Variants in CD300LD observed in about 807,000 individuals in gnomAD.
CD300LD encodes CD300 molecule like family member d.
CD300LD carries 18 observed loss-of-function variants against 20.3 expected under a neutral mutation model. That is an observed-to-expected ratio of 0.89 (90% CI 0.61 to 1.32). The LOEUF (loss-of-function observed/expected upper bound fraction) is 1.32, where lower values mean the gene tolerates loss of function less well. Ranked by LOEUF, CD300LD falls within the 40% of genes most tolerant of loss-of-function variation. CD300LD has a pLI of 0.00. For missense variants in CD300LD, 195 were observed against 226.6 expected (o/e 0.86, Z 0.90); for synonymous variants, 104 against 90.1 (o/e 1.15, Z -0.87).
At chr17:74,588,880 T>A in intron 1 of CD300LD, 31 bp from the exon 2 acceptor site, 4 of 1,539,430 alleles carry the variant, frequency 2.6e-6, no homozygotes, top group Non-Finnish European at 3.6e-6. Flanking sequence ...TGTCGTCACC[T>A]CCCACCCCAA....
chr17:74,581,915 G>A (rs981284616), intron 3 of CD300LD, among the ~76,000 whole-genome samples: 3 of 152,206 alleles, frequency 2.0e-5, no homozygotes, highest in Admixed American at 6.5e-5. Flanking sequence ...ATACAAAGAC[G>A]AAACAGCAGG....
At chr17:74,591,624 A>AGT (rs1215555470) in intron 1 of CD300LD, among the ~76,000 whole-genome samples, 1 of 152,204 alleles carries the variant, frequency 6.6e-6, no homozygotes, top group African/African-American at 2.4e-5. Flanking sequence ...AACAATTTTT[A>AGT]AAAGGTAGAA....
Position 74,579,969 on chromosome 17 carries a change from G to A in CD300LD, c.*33C>T. ...CCTGGACAGGACGTCAATGGGCATT[G>A]GGACTCTCATCATCGGGCTGACTCC... On this transcript the variant is annotated 3_prime_UTR_variant, in exon 4 of 4. Coordinates refer to ENST00000375352, the MANE Select transcript of CD300LD (RefSeq NM_001115152.2). 2 of 1,377,552 alleles carry A rather than the reference G, an allele frequency of 1.5e-6. No individual in the cohort carries two copies. Among genetic ancestry groups the A allele is most frequent in the Non-Finnish European group, 2.1e-6 (2 of 969,194 alleles). 85.3% of individuals were successfully genotyped at this position (1,377,552 alleles called of 1,614,324 possible).
At chr17:74,587,197 C>A (rs1238301365) in intron 2 of CD300LD, among the ~76,000 whole-genome samples, 1 of 152,050 alleles carries the variant, frequency 6.6e-6, no homozygotes, top group Non-Finnish European at 1.5e-5. Flanking sequence ...ACCAAAGGGC[C>A]ATCTGAGCCT....
intron 2 of CD300LD, among the ~76,000 whole-genome samples, chr17:74,584,058 A>G (rs1460974136): frequency 6.6e-6 from 1 of 152,106 alleles, no homozygotes; most frequent in Non-Finnish European, 1.5e-5. Flanking sequence ...CCCAGCCTGT[A>G]TTTCACATTT....
At chr17:74,581,450 T>C (rs145309297) in intron 3 of CD300LD, among the ~76,000 whole-genome samples, 1 of 152,182 alleles carries the variant, frequency 6.6e-6, no homozygotes, top group African/African-American at 2.4e-5. Context: ...ACCCAACGGC[T>C]AGCTATCAGG....
Position 74,588,813 on chromosome 17 carries a change from G to A in CD300LD, c.77C>T (p.Thr26Ile). 1.2e-6 allele frequency: 2 copies of A among 1,612,434 alleles called. No individual in the cohort carries two copies. The highest frequency in any genetic ancestry group is 1.7e-6 in the Non-Finnish European group (2 of 1,178,588). Residue 26 changes from threonine to isoleucine, a missense_variant, in exon 2 of 4, where the codon ACA becomes ATA. Physicochemically the swap from Thr to Ile is moderately conservative, Grantham distance 89. Coordinates refer to ENST00000375352, the MANE Select transcript of CD300LD (RefSeq NM_001115152.2). ...SIAAKITGPT[T>I]VNGSEQGSLT... is the part of the protein sequence containing the mutation. ...TGAGCCCTGCTCCGAGCCATTCACT[G>A]TTGTTGGACCAGTGATTTTAGCGGC...
At chr17:74,578,949 C>A (rs1170175445), downstream of CD300LD, among the ~76,000 whole-genome samples, 1 of 152,182 alleles carries the variant, frequency 6.6e-6, no homozygotes, top group Non-Finnish European at 1.5e-5. Flanking sequence ...TGGATTATGT[C>A]ACAGTCCCCA....
At chr17:74,582,390 C>T in intron 2 of CD300LD, 79 bp from the exon 3 acceptor site, 1 of 1,190,434 alleles carries the variant, frequency 8.4e-7, no homozygotes, top group Non-Finnish European at 1.2e-6. Flanking sequence ...GCTTCTCCAC[C>T]TAGGAATTAA....
Position 74,588,623 on chromosome 17 carries a change from C to T in CD300LD, c.267G>A (p.Val89=), listed in dbSNP as rs1407176447. ...VSIRDNQKNH[V]FTVTMENLKR... The stretch of plus-strand genomic sequence containing the variant: ...TGAGATTCTCCATGGTCACGGTGAA[C>T]ACGTGGTTTTTCTGATTGTCCCTGA... Residue 89 remains valine (V), a synonymous_variant, in exon 2 of 4, where the codon GTG becomes GTA. Coordinates refer to ENST00000375352, the MANE Select transcript of CD300LD (RefSeq NM_001115152.2). The T allele has an allele frequency of 1.2e-6, 2 of 1,613,974 alleles. No homozygotes were observed. The highest frequency in any genetic ancestry group is 2.7e-5 in the African/African-American group (2 of 74,898).
In CD300LD at chr17:74,588,860, C is replaced by G; in HGVS notation, c.41-11G>C. The G allele has an allele frequency of 6.3e-7, 1 of 1,594,896 alleles. No individual in the cohort carries two copies. The highest frequency in any genetic ancestry group is 1.1e-5 in the South Asian group (1 of 89,812). On this transcript the variant is annotated splice_polypyrimidine_tract_variant and intron_variant, in intron 1 of 3. Coordinates refer to ENST00000375352, the MANE Select transcript of CD300LD (RefSeq NM_001115152.2). ...CGGCAATGGAGTAACCTGGAAAACG[C>G]AAATTCATGTGTCGTCACCTCCCAC...
intron 1 of CD300LD, among the ~76,000 whole-genome samples, chr17:74,591,566 C>T (rs901314340): frequency 2.0e-5 from 3 of 152,006 alleles, no homozygotes; most frequent in Non-Finnish European, 4.4e-5. Context: ...GAACTGAAAA[C>T]ATATCTCCAT....
At position 74,582,411 on chromosome 17, in the gene CD300LD, C is replaced by T. The variant is rs541028055; in HGVS notation, c.380-100G>A. 5.5e-4 allele frequency: 471 copies of T among 854,670 alleles called. 3 individuals carry two copies. Among genetic ancestry groups the T allele is most frequent in the Non-Finnish European group, 6.5e-4 (355 of 546,960 alleles). 52.9% of individuals were successfully genotyped at this position (854,670 alleles called of 1,614,324 possible). On this transcript the variant is annotated intron_variant, in intron 2 of 3. Coordinates refer to ENST00000375352, the MANE Select transcript of CD300LD (RefSeq NM_001115152.2). The stretch of plus-strand genomic sequence containing the variant: ...CCACCTAGGAATTAAGGAGCCTCTG[C>T]CTTGGGGTCCAAGACTGTCTGGTCA...
chr17:74,581,528 C>G (rs367824537), intron 3 of CD300LD, among the ~76,000 whole-genome samples: 1 of 152,322 alleles, frequency 6.6e-6, no homozygotes, highest in East Asian at 1.9e-4. Flanking sequence ...CCTCCAGACC[C>G]CTCTGCCAGC....
chr17:74,591,754 C>T (rs1448267549), intron 1 of CD300LD, among the ~76,000 whole-genome samples: 3 of 149,394 alleles, frequency 2.0e-5, no homozygotes, highest in Non-Finnish European at 4.4e-5. Flanking sequence ...ACAAAGTAAC[C>T]TTGAAACATC....
At chr17:74,592,002 TC>T in intron 1 of CD300LD, 160 bp downstream of exon 1, 1 of 1,552,240 alleles carries the variant, frequency 6.4e-7, no homozygotes, top group East Asian at 2.3e-5. Context: ...ACAGAACCTG[TC>T]AGATAACAAA....
At chr17:74,591,262 A>AAAAAAAAAT (rs1555650249) in intron 1 of CD300LD, among the ~76,000 whole-genome samples, 1 of 114,112 alleles carries the variant, frequency 8.8e-6, no homozygotes, top group African/African-American at 4.8e-5. Context: ...AAAAAAAAAA[A>AAAAAAAAAT]AATAAAAATA....
At position 74,579,858 on chromosome 17, in the gene CD300LD, C is replaced by T. The variant is rs2029993987; in HGVS notation, c.*144G>A. On this transcript the variant is annotated 3_prime_UTR_variant, in exon 4 of 4. Transcript: ENST00000375352. ...AGAGATTACACCATTGCATTCCAGC[C>T]TGGGTGACAGAGCAAGACTCTATCT... is the stretch of plus-strand genomic sequence containing the variant. 1 of 525,870 alleles carries T rather than the reference C, an allele frequency of 1.9e-6. No homozygotes were observed. The highest frequency in any genetic ancestry group is 3.5e-6 in the Non-Finnish European group (1 of 289,482). The allele number at this position is 525,870 out of a possible 1,614,324, so 32.6% of individuals were successfully genotyped here. A position where few individuals can be genotyped will look rare whatever the true frequency, so the allele number is the denominator to read the frequency against.
At chr17:74,591,268 A>T (rs12602919) in intron 1 of CD300LD, among the ~76,000 whole-genome samples, 2,765 of 142,332 alleles carry the variant, frequency 0.019, 23 homozygotes, top group Middle Eastern at 0.044. Context: ...AAAAAAATAA[A>T]AATAATAATA....
Sources: allele counts gnomAD v4.1 joint callset (sites outside exome capture counted in the v4.1 genomes callset), GRCh38; gene constraint gnomAD v4.1.1; transcripts MANE v1.5; gene names NCBI Gene and HGNC (gene_info 2026-07-23, HGNC 2026-07-21).